Variants in CELSR1 observed in about 807,000 individuals in gnomAD.
CELSR1 encodes the protein adhesion G protein-coupled receptor C1.
CELSR1 carries 110 observed loss-of-function variants against 249.1 expected under a neutral mutation model. The ratio of observed to expected loss-of-function variants is 0.44; its 90% confidence interval spans 0.38 to 0.52. The LOEUF (loss-of-function observed/expected upper bound fraction) is 0.52, where lower values mean the gene tolerates loss of function less well. CELSR1 is among the 20% of genes least tolerant of loss of function. The pLI is 0.00. For synonymous variants in CELSR1, 2,113 were observed against 1,900.0 expected (o/e 1.11, Z -2.92); for missense variants, 4,109 against 4,296.4 (o/e 0.96, Z 1.22).
At chr22:46,451,522 A>G (rs780009554) in intron 2 of CELSR1, among the ~76,000 whole-genome samples, 4 of 152,218 alleles carry the variant, frequency 2.6e-5, no homozygotes, top group Non-Finnish European at 5.9e-5. Flanking sequence ...AACCTGAAGG[A>G]TGGGTGCATG....
At chr22:46,370,150 G>A (rs893518261) in intron 25 of CELSR1, 22 of 469,276 alleles carry the variant, frequency 4.7e-5, no homozygotes, top group Middle Eastern at 3.2e-4. Flanking sequence ...GGAGGACCCT[G>A]CCAGCTGGGC....
rs2080073894 is a variant in CELSR1, at chr22:46,464,395, G to A, written c.3545-50C>T. On this transcript the variant is annotated intron_variant, in intron 1 of 34. Transcript: ENST00000674500. This position sits in a 1 kb window ranked among gnomAD's most constrained non-coding sequence, Gnocchi z 8.5. ...TCATTCAGATGCTGCGGGAGTCACA[G>A]GTCCTATAGGCCCCATCCCAGGAGC... 1.3e-6 allele frequency: 2 copies of A among 1,566,488 alleles called. No individual in the cohort carries two copies. The highest frequency in any genetic ancestry group is 1.7e-6 in the Non-Finnish European group (2 of 1,156,052).
In CELSR1 at chr22:46,427,738, C is replaced by T. The variant is rs1434067271; in HGVS notation, c.4611+5655G>A. On this transcript the variant is annotated intron_variant, in intron 5 of 34. Transcript: ENST00000674500. The surrounding 1 kb of genome is among the most constrained non-coding windows in gnomAD (Gnocchi z 4.2). Reference sequence around the variant, plus strand: ...AGTTGGATTCTGTGCGTGTAATTGGCACTCAATTAACATGGAAGGGAGAGA... The same window carrying T: ...AGTTGGATTCTGTGCGTGTAATTGGTACTCAATTAACATGGAAGGGAGAGA... Among the ~76,000 whole-genome samples the T allele has an allele frequency of 6.6e-6, 1 of 152,048 alleles. No homozygotes were observed. The highest frequency in any genetic ancestry group is 1.5e-5 in the Non-Finnish European group (1 of 68,026).
At chr22:46,508,199 T>C (rs2080535072) in intron 1 of CELSR1, among the ~76,000 whole-genome samples, 1 of 147,404 alleles carries the variant, frequency 6.8e-6, no homozygotes, top group Admixed American at 6.7e-5. Context: ...CTCTCGCCAC[T>C]CTCGCCCTGC....
At chr22:46,510,550 T>C (rs112838351) in intron 1 of CELSR1, among the ~76,000 whole-genome samples, 4 of 152,182 alleles carry the variant, frequency 2.6e-5, no homozygotes, top group African/African-American at 9.7e-5. Flanking sequence ...GGAGAGGCGC[T>C]GCGGTAAACG....
At chr22:46,470,369 A>AC (rs2080143879) in intron 1 of CELSR1, among the ~76,000 whole-genome samples, 1 of 151,612 alleles carries the variant, frequency 6.6e-6, no homozygotes, top group African/African-American at 2.4e-5. Flanking sequence ...AGCTACTCTG[A>AC]CCCCCACAAG....
Position 46,427,940 on chromosome 22 carries a change from C to T in CELSR1, c.4611+5453G>A, listed in dbSNP as rs747656784. 1.3e-5 allele frequency among the ~76,000 whole-genome samples: 2 copies of T among 152,134 alleles called. No homozygotes were observed. The highest frequency in any genetic ancestry group is 6.5e-5 in the Admixed American group (1 of 15,272). Reference sequence around the variant, plus strand: ...ATGTGCAGAAACGGAGAAGCTCCCCCGACCCCAGGGGTGCTCCGGGGGTAC... The same window carrying T: ...ATGTGCAGAAACGGAGAAGCTCCCCTGACCCCAGGGGTGCTCCGGGGGTAC... On this transcript the variant is annotated intron_variant, in intron 5 of 34. Transcript: ENST00000674500. The surrounding 1 kb of genome is among the most constrained non-coding windows in gnomAD (Gnocchi z 4.2).
chr22:46,529,053 C>T (rs1468261626), intron 1 of CELSR1, among the ~76,000 whole-genome samples: 1 of 151,600 alleles, frequency 6.6e-6, no homozygotes, highest in Non-Finnish European at 1.5e-5. Context: ...ATCACGAGGT[C>T]AGGAGATCGA....
rs539634284 is a variant in CELSR1, at chr22:46,399,600, G to A, written c.5412+117C>T. The stretch of plus-strand genomic sequence containing the variant: ...AAGCCCACCTGCGGGGACCCAGAAA[G>A]TGCCTCCCCAAATCCACAAGGTCTC... On this transcript the variant is annotated intron_variant, in intron 10 of 34. Coordinates refer to ENST00000674500, the MANE Select transcript of CELSR1 (RefSeq NM_001378328.1). This position sits in a 1 kb window ranked among gnomAD's most constrained non-coding sequence, Gnocchi z 5.0. 17 of 1,017,750 alleles carry A rather than the reference G, an allele frequency of 1.7e-5. No homozygotes were observed. In the African/African-American group the frequency reaches 2.2e-4, roughly 13 times the overall value. 63.0% of individuals were successfully genotyped at this position (1,017,750 alleles called of 1,614,324 possible).
chr22:46,420,372 CCACT>C (rs1421718504), intron 5 of CELSR1, among the ~76,000 whole-genome samples: 11 of 150,828 alleles, frequency 7.3e-5, no homozygotes, highest in South Asian at 2.1e-4. Context: ...GCATGCTCAC[CCACT>C]CAAATGTGCA....
In CELSR1 at chr22:46,535,409, G is replaced by C; in HGVS notation, c.1762C>G (p.Gln588Glu). 6.2e-7 allele frequency: 1 copy of C among 1,609,252 alleles called. No homozygotes were observed. Among genetic ancestry groups the C allele is most frequent in the East Asian group, 2.2e-5 (1 of 44,850 alleles). The change falls in exon 1 of 35, where the codon CAG (glutamine) becomes GAG (glutamate). Residue 588 changes from glutamine (Q) to glutamate (E), a missense_variant. Physicochemically the swap from Gln to Glu is conservative, Grantham distance 29. Transcript: ENST00000674500. ...VPLGYPVVHI[Q>E]AVDADSGENA... is the part of the protein sequence containing the mutation. ...TCTCCAGAGTCCGCGTCCACCGCCT[G>C]AATGTGCACCACGGGGTAGCCCAGG... is the stretch of plus-strand genomic sequence containing the variant.
intron 5 of CELSR1, among the ~76,000 whole-genome samples, chr22:46,432,459 G>C (rs535792332): frequency 7.9e-4 from 121 of 152,318 alleles, no homozygotes; most frequent in African/African-American, 2.6e-3. Flanking sequence ...GGGCACAGCG[G>C]GGGTGGCCAG....
At position 46,396,810 on chromosome 22, in the gene CELSR1, C is replaced by T; in HGVS notation, c.5702-64G>A. ...CACGAGACCTTCCACGTTAAAATAT[C>T]TGGAGCAACCTGTCCCCTCCAGAAG... On this transcript the variant is annotated intron_variant, in intron 12 of 34. Coordinates refer to ENST00000674500, the MANE Select transcript of CELSR1 (RefSeq NM_001378328.1). The surrounding 1 kb of genome is among the most constrained non-coding windows in gnomAD (Gnocchi z 6.4). The T allele has an allele frequency of 6.4e-7, 1 of 1,562,726 alleles. No individual in the cohort carries two copies.
Position 46,377,273 on chromosome 22 carries a change from A to T in CELSR1, c.7384-12T>A. The T allele has an allele frequency of 1.2e-6, 2 of 1,613,232 alleles. No homozygotes were observed. The highest frequency in any genetic ancestry group is 1.7e-6 in the Non-Finnish European group (2 of 1,179,686). ...AGGACCTCCCCGTTCTATGGGCAGG[A>T]GGGTTAAAGGCAGGAGAGAAGGTAA... On this transcript the variant is annotated splice_polypyrimidine_tract_variant and intron_variant, in intron 23 of 34. Coordinates refer to ENST00000674500, the MANE Select transcript of CELSR1 (RefSeq NM_001378328.1).
rs2080743594 is a variant in CELSR1 at position 46,526,855 on chromosome 22, AG to A, written c.3544+6771del. On this transcript the variant is annotated intron_variant, in intron 1 of 34. Coordinates refer to ENST00000674500, the MANE Select transcript of CELSR1 (RefSeq NM_001378328.1). The surrounding 1 kb of genome is among the most constrained non-coding windows in gnomAD (Gnocchi z 4.7). ...TGGACCTGCACACACAATCAACTTC[AG>A]GACACTCTCAAAGACGCCCAGCCAC... Among the ~76,000 whole-genome samples the A allele has an allele frequency of 1.3e-5, 2 of 152,192 alleles. No homozygotes were observed. The highest frequency in any genetic ancestry group is 2.9e-5 in the Non-Finnish European group (2 of 68,032).
In CELSR1 at chr22:46,535,641, G is replaced by A. The variant is rs746354617; in HGVS notation, c.1530C>T (p.His510=). Residue 510 remains histidine, a synonymous_variant, in exon 1 of 35, where the codon CAC becomes CAT. Transcript: ENST00000674500. ...SGNVAGQFYL[H]SLSGILDVIN... ...TCACATCCAGGATCCCGCTCAGCGA[G>A]TGCAGGTAGAACTGGCCGGCCACGT... 2 of 1,613,400 alleles carry A rather than the reference G, an allele frequency of 1.2e-6. No individual in the cohort carries two copies. Among genetic ancestry groups the A allele is most frequent in the East Asian group, 2.2e-5 (1 of 44,886 alleles).
intron 2 of CELSR1, among the ~76,000 whole-genome samples, chr22:46,450,637 C>T (rs543789490): frequency 3.2e-4 from 49 of 152,314 alleles, no homozygotes; most frequent in African/African-American, 8.9e-4. Context: ...CTTGCAGGGA[C>T]GGGTCCAGTG....
intron 1 of CELSR1, among the ~76,000 whole-genome samples, chr22:46,474,625 A>G (rs1228197299): frequency 6.6e-6 from 1 of 152,182 alleles, no homozygotes. Flanking sequence ...AATATACAAT[A>G]CAATATTATT....
In CELSR1 at chr22:46,386,339, C is replaced by G. The variant is rs1001372161; in HGVS notation, c.6739+63G>C. 4.9e-6 allele frequency: 7 copies of G among 1,435,332 alleles called. No homozygotes were observed. The African/African-American group carries it at 8.7e-5, about 18-fold the overall frequency. 88.9% of individuals were successfully genotyped at this position (1,435,332 alleles called of 1,614,324 possible). A position where few individuals can be genotyped will look rare whatever the true frequency, so the allele number is the denominator to read the frequency against. On this transcript the variant is annotated intron_variant, in intron 19 of 34. Transcript: ENST00000674500. ...CCCACCTGCTTCACCCCATGGGGGC[C>G]TAGCTCTGGGGCACACCCCTGATGG...
Sources: gnomAD v4.1 joint callset for allele counts (sites outside exome capture counted in the v4.1 genomes callset) on GRCh38, gnomAD v4.1.1 for gene constraint, Gnocchi (gnomAD v3.1) non-coding constraint, MANE v1.5 for transcripts, NCBI Gene and HGNC (gene_info 2026-07-23, HGNC 2026-07-21) for gene names.